The following RAB27A variants were observed in gnomAD, a reference collection of about 807,000 sequenced individuals.
RAB27A encodes the protein RAB27A, member RAS oncogene family.
RAB27A carries 17 observed loss-of-function variants against 20.8 expected under a neutral mutation model. The ratio of observed to expected loss-of-function variants is 0.82; its 90% CI spans 0.56 to 1.23. The LOEUF is 1.23. RAB27A is among the 50% of genes most tolerant of loss of function. The pLI is 0.00. For synonymous variants in RAB27A, 85 were observed against 92.8 expected (o/e 0.92, Z 0.48); for missense variants, 277 against 266.7 (o/e 1.04, Z -0.27).
chr15:55,271,664 CA>C (rs1158362994), intron 1 of RAB27A, among the ~76,000 whole-genome samples: 2 of 152,240 alleles, frequency 1.3e-5, no homozygotes, highest in Non-Finnish European at 2.9e-5. Flanking sequence ...ATCTTGAAGA[CA>C]GGGGTTGTAT....
At chr15:55,241,626 G>GTGTGTGTATATATATATATA (rs1896494932) in intron 2 of RAB27A, among the ~76,000 whole-genome samples, 3 of 107,280 alleles carry the variant, frequency 2.8e-5, no homozygotes, top group African/African-American at 1.8e-4. Context: ...ATATATATAT[G>GTGTGTGTATATATATATATA]TGTGTATATA....
At position 55,234,870 on chromosome 15, in the gene RAB27A, T is replaced by C. The variant is rs1200907732; in HGVS notation, c.65A>G (p.Lys22Arg). 2 of 1,612,232 alleles carry C rather than the reference T, an allele frequency of 1.2e-6. No individual in the cohort carries two copies. The highest frequency in any genetic ancestry group is 1.7e-6 in the Non-Finnish European group (2 of 1,178,580). The part of the protein sequence containing the change: ...FLALGDSGVG[K>R]TSVLYQYTDG... ...TGTATATTGGTAAAGTACACTGGTCTTCCCTACACCAGAGTCTCCCAAAGC... is the reference window on the plus strand; with the variant it reads ...TGTATATTGGTAAAGTACACTGGTCCTCCCTACACCAGAGTCTCCCAAAGC... The change falls in exon 3 of 7, where the codon AAG becomes AGG. Residue 22 changes from lysine (K) to arginine (R), a missense_variant. Transcript: ENST00000336787.
At chr15:55,218,850 C>T (rs1421995663) in intron 6 of RAB27A, among the ~76,000 whole-genome samples, 1 of 151,158 alleles carries the variant, frequency 6.6e-6, no homozygotes, top group Non-Finnish European at 1.5e-5. Flanking sequence ...TCAAGCAATT[C>T]TCCTGCCTCA....
Position 55,228,678 on chromosome 15 carries a change from C to G in RAB27A, c.274G>C (p.Ala92Pro), listed in dbSNP as rs772514326. 6.2e-7 allele frequency: 1 copy of G among 1,613,768 alleles called. No individual in the cohort carries two copies. The highest frequency in any genetic ancestry group is 1.3e-5 in the African/African-American group (1 of 74,918). ...TCAAAAAGTAGAAGAAAACCCATAG[C>G]ATCTCTGAAGAACGCTGTCGTTAAG... ...RSLTTAFFRD[A>P]MGFLLLFDLT... The change falls in exon 5 of 7, where the codon GCT becomes CCT. Residue 92 changes from alanine to proline, a missense_variant. Ala to Pro is a conservative substitution (Grantham distance 27). Coordinates refer to ENST00000336787, the MANE Select transcript of RAB27A (RefSeq NM_183235.3).
chr15:55,218,031 T>A (rs1462007727), intron 6 of RAB27A, among the ~76,000 whole-genome samples: 2 of 152,230 alleles, frequency 1.3e-5, no homozygotes, highest in Non-Finnish European at 2.9e-5. Context: ...GCATCCTGAT[T>A]TCTTTTCCAT....
upstream of RAB27A, among the ~76,000 whole-genome samples, chr15:55,291,421 G>C (rs189307573): frequency 2.1e-4 from 31 of 145,902 alleles, no homozygotes; most frequent in African/African-American, 7.5e-4. Flanking sequence ...GAGGGCAGGA[G>C]AATCGCTTGA....
chr15:55,247,656 G>C (rs920866153), intron 2 of RAB27A, among the ~76,000 whole-genome samples: 3 of 152,110 alleles, frequency 2.0e-5, no homozygotes, highest in Admixed American at 6.6e-5. Flanking sequence ...CTTTCTGAAG[G>C]AGCAATGATA....
intron 2 of RAB27A, among the ~76,000 whole-genome samples, chr15:55,236,277 C>T (rs1180998552): frequency 2.0e-5 from 3 of 152,074 alleles, no homozygotes; most frequent in Non-Finnish European, 2.9e-5. Flanking sequence ...CATGTTATTA[C>T]GGTTCCTTCA....
At chr15:55,210,181 A>T (rs1894936539) in intron 6 of RAB27A, among the ~76,000 whole-genome samples, 1 of 136,000 alleles carries the variant, frequency 7.4e-6, no homozygotes, top group Admixed American at 6.9e-5. Flanking sequence ...ATACGTACAC[A>T]CATATGTATG....
chr15:55,238,640 G>A (rs1333407367), intron 2 of RAB27A: 1 of 148,048 alleles, frequency 6.8e-6, no homozygotes, highest in African/African-American at 2.7e-5. Context: ...GTTCAGACTG[G>A]GTCTGAAGAT....
intron 2 of RAB27A, among the ~76,000 whole-genome samples, chr15:55,247,704 G>A (rs1207112046): frequency 2.6e-5 from 4 of 152,162 alleles, no homozygotes; most frequent in African/African-American, 9.6e-5. Context: ...ATTAGAAGCA[G>A]CCAGACGTGT....
chr15:55,298,085 G>C (rs542068463), intron 2 of RAB27A, among the ~76,000 whole-genome samples: 1 of 151,946 alleles, frequency 6.6e-6, no homozygotes, highest in East Asian at 1.9e-4. Context: ...GGCAACTGTA[G>C]TCACAGCTAC....
At chr15:55,220,917 T>C (rs1194365133) in intron 6 of RAB27A, among the ~76,000 whole-genome samples, 1 of 152,234 alleles carries the variant, frequency 6.6e-6, no homozygotes, top group Non-Finnish European at 1.5e-5. Context: ...AGGGACTCTG[T>C]TTCTAGCCCT....
chr15:55,234,842 A>G lies in RAB27A; in HGVS notation c.93T>C (p.Asp31=), dbSNP rs998047728. 5.6e-6 allele frequency: 9 copies of G among 1,612,238 alleles called. No individual in the cohort carries two copies. The highest frequency in any genetic ancestry group is 2.7e-5 in the African/African-American group (2 of 74,842). ...TGATAAATTTGGAGTTAAATTTACC[A>G]TCTGTATATTGGTAAAGTACACTGG... ...GKTSVLYQYT[D]GKFNSKFITT... Residue 31 remains aspartate (D), a synonymous_variant, in exon 3 of 7, where the codon GAT becomes GAC. Transcript: ENST00000336787.
intron 2 of RAB27A, among the ~76,000 whole-genome samples, chr15:55,269,172 T>C (rs1897618428): frequency 6.6e-6 from 1 of 152,226 alleles, no homozygotes; most frequent in African/African-American, 2.4e-5. Context: ...CACACAGTTT[T>C]AAAGCCACCC....
intron 4 of RAB27A, 61 bp downstream of exon 4, chr15:55,230,340 G>A: frequency 6.8e-7 from 1 of 1,469,116 alleles, no homozygotes; most frequent in South Asian, 1.1e-5. Context: ...GTCACTGTTT[G>A]AAGAATGTAA....
intron 2 of RAB27A, among the ~76,000 whole-genome samples, chr15:55,255,113 T>G (rs1897031508): frequency 6.6e-6 from 1 of 152,176 alleles, no homozygotes; most frequent in African/African-American, 2.4e-5. Context: ...TCCTATTGAC[T>G]GCACATAGTA....
intron 2 of RAB27A, among the ~76,000 whole-genome samples, chr15:55,258,542 G>A (rs1035211563): frequency 3.3e-5 from 5 of 152,122 alleles, no homozygotes; most frequent in African/African-American, 9.7e-5. Flanking sequence ...CCTCCTCTAG[G>A]GTAGGCGTCA....
chr15:55,241,904 A>T (rs1896507675), intron 2 of RAB27A, among the ~76,000 whole-genome samples: 1 of 152,108 alleles, frequency 6.6e-6, no homozygotes, highest in South Asian at 2.1e-4. Flanking sequence ...TGTTTTTAAA[A>T]ATACTTTTTA....
Sources: gnomAD v4.1 joint callset for allele counts (sites outside exome capture counted in the v4.1 genomes callset) on GRCh38, gnomAD v4.1.1 for gene constraint, MANE v1.5 for transcripts, NCBI Gene and HGNC (gene_info 2026-07-23, HGNC 2026-07-21) for gene names.